The following ASTN1 variants were observed in gnomAD, a reference collection of about 807,000 sequenced individuals.
ASTN1 encodes the protein astrotactin-1.
A neutral mutation model predicts 140.7 loss-of-function variants in ASTN1; 41 were observed. That is an observed-to-expected ratio of 0.29 (90% CI 0.23 to 0.38). The LOEUF is 0.38. Among genes scored for constraint, ASTN1 ranks in the 10% least tolerant of loss-of-function variants. The pLI, the probability that ASTN1 is intolerant of heterozygous loss-of-function variation, is 1.00. For synonymous variants in ASTN1, 640 were observed against 652.2 expected, an observed-to-expected ratio of 0.98 and a Z score of 0.29; for missense variants, 1,479 against 1,678.8, an observed-to-expected ratio of 0.88 and a Z score of 2.08.
At chr1:177,116,617 G>A (rs227527) in intron 1 of ASTN1, among the ~76,000 whole-genome samples, 2,266 of 152,120 alleles carry the variant, frequency 0.015, 67 homozygotes, top group African/African-American at 0.051. Flanking sequence ...TTCACATCCA[G>A]CATGTGCAAT....
chr1:177,098,567 G>A (rs1680152537), intron 1 of ASTN1, among the ~76,000 whole-genome samples: 1 of 152,080 alleles, frequency 6.6e-6, no homozygotes, highest in Admixed American at 6.6e-5. Flanking sequence ...TGGATGTGTG[G>A]TGGTCAACAC....
intron 1 of ASTN1, among the ~76,000 whole-genome samples, chr1:177,119,909 A>G (rs1296979198): frequency 2.0e-5 from 3 of 152,186 alleles, no homozygotes; most frequent in African/African-American, 7.2e-5. Flanking sequence ...GTCCTGAAAT[A>G]GCAGAGGAAG....
intron 16 of ASTN1, among the ~76,000 whole-genome samples, chr1:176,933,285 A>G (rs1671285458): frequency 2.0e-5 from 3 of 152,254 alleles, no homozygotes; most frequent in Admixed American, 6.5e-5. Context: ...TGCTGACAAC[A>G]GAGGTCCCTT....
At chr1:177,117,704 T>C (rs1681166032) in intron 1 of ASTN1, among the ~76,000 whole-genome samples, 1 of 152,176 alleles carries the variant, frequency 6.6e-6, no homozygotes, top group South Asian at 2.1e-4. Context: ...CACACCATAC[T>C]ACTCCCTGGA....
chr1:177,108,347 C>CAAAAAAAA (rs71129596), intron 1 of ASTN1, among the ~76,000 whole-genome samples: 2 of 98,598 alleles, frequency 2.0e-5, no homozygotes, highest in African/African-American at 4.1e-5. Context: ...GACTCCGTCT[C>CAAAAAAAA]AAAAAAAAAA....
intron 1 of ASTN1, among the ~76,000 whole-genome samples, chr1:177,133,482 C>A (rs1215848497): frequency 6.6e-6 from 1 of 152,162 alleles, no homozygotes; most frequent in African/African-American, 2.4e-5. Flanking sequence ...GCCCCATAAT[C>A]CCAAACTCAT....
At chr1:177,003,345 G>A (rs1186874500) in intron 8 of ASTN1, among the ~76,000 whole-genome samples, 1 of 149,330 alleles carries the variant, frequency 6.7e-6, no homozygotes, top group Non-Finnish European at 1.5e-5. Flanking sequence ...ACATATGCAA[G>A]TCAATAAATG....
At chr1:176,868,615 A>C (rs1263805671) in intron 22 of ASTN1, among the ~76,000 whole-genome samples, 2 of 152,236 alleles carry the variant, frequency 1.3e-5, no homozygotes, top group African/African-American at 2.4e-5. Flanking sequence ...GGTCAAGAGC[A>C]AAATTTTTTT....
intron 1 of ASTN1, among the ~76,000 whole-genome samples, chr1:177,142,413 T>C (rs1380746735): frequency 1.3e-5 from 2 of 152,180 alleles, no homozygotes; most frequent in Non-Finnish European, 2.9e-5. Context: ...GTTCATGTGC[T>C]TGACATTCAG....
At chr1:177,153,109 G>C (rs529352686) in intron 1 of ASTN1, among the ~76,000 whole-genome samples, 3 of 152,232 alleles carry the variant, frequency 2.0e-5, no homozygotes, top group Non-Finnish European at 1.5e-5. Flanking sequence ...AGGCCTAATG[G>C]AAGGTGCCTG....
rs564838691 is a variant in ASTN1 at position 176,965,047 on chromosome 1, G to A, written c.1598+116C>T. The stretch of plus-strand genomic sequence containing the variant: ...CAAACACTTTTGTTAGCAGGTGGTC[G>A]TGACAACTCAAGGTGTTTCCTATTT... On this transcript the variant is annotated intron_variant, in intron 9 of 22. Transcript: ENST00000361833. 2.6e-5 allele frequency: 25 copies of A among 953,724 alleles called. No individual in the cohort carries two copies. In the Admixed American group the frequency reaches 4.0e-4, roughly 15 times the overall value. 59.1% of individuals were successfully genotyped at this position (953,724 alleles called of 1,614,324 possible). A position where few individuals can be genotyped will look rare whatever the true frequency, so the allele number is the denominator to read the frequency against.
At chr1:177,164,320 T>C (rs1571871791) in intron 1 of ASTN1, 74 bp downstream of exon 1, 4 of 1,380,476 alleles carry the variant, frequency 2.9e-6, no homozygotes, top group Non-Finnish European at 3.8e-6. Context: ...AGTGGGTGTG[T>C]AGAGCGAGCT....
chr1:177,149,013 A>C (rs1011718807), intron 1 of ASTN1, among the ~76,000 whole-genome samples: 7 of 142,356 alleles, frequency 4.9e-5, no homozygotes, highest in African/African-American at 1.8e-4. Context: ...TATCTAGAAG[A>C]GAGGAAGGAG....
chr1:176,880,768 A>G (rs1170754428), intron 20 of ASTN1, among the ~76,000 whole-genome samples: 2 of 152,184 alleles, frequency 1.3e-5, no homozygotes, highest in Admixed American at 1.3e-4. Flanking sequence ...AGTAACCTAG[A>G]GCAGCAGGGA....
intron 14 of ASTN1, among the ~76,000 whole-genome samples, chr1:176,940,171 G>C (rs1008663612): frequency 1.3e-5 from 2 of 151,974 alleles, no homozygotes; most frequent in African/African-American, 4.8e-5. Context: ...TATACAAATG[G>C]ACAATGGCCA....
intron 6 of ASTN1, 103 bp downstream of exon 6, chr1:177,024,480 A>T: frequency 1.4e-6 from 2 of 1,411,684 alleles, no homozygotes; most frequent in Admixed American, 2.1e-5. Flanking sequence ...TTCCCCCGGT[A>T]GAGTAATAGG....
chr1:176,883,120 A>G (rs1668880519), intron 19 of ASTN1, 126 bp from the exon 20 acceptor site: 1 of 1,332,652 alleles, frequency 7.5e-7, no homozygotes, highest in South Asian at 1.4e-5. Context: ...AGAGTAGAGA[A>G]GGAGACTTAG....
At chr1:176,894,320 C>T (rs1281264404) in intron 17 of ASTN1, among the ~76,000 whole-genome samples, 1 of 152,228 alleles carries the variant, frequency 6.6e-6, no homozygotes, top group Non-Finnish European at 1.5e-5. Context: ...TCCAGCCCTA[C>T]ACAGGTGCTC....
Position 177,005,193 on chromosome 1 carries a change from A to T in ASTN1, c.1523+9598T>A, listed in dbSNP as rs540911052. ...GCAAAGGACATGAATTGACATATTT[A>T]AAAAAAATACAAATGGCCAGAGAAA... is the stretch of plus-strand genomic sequence containing the variant. On this transcript the variant is annotated intron_variant, in intron 8 of 22. Transcript: ENST00000361833. 7.9e-5 allele frequency among the ~76,000 whole-genome samples: 12 copies of T among 152,112 alleles called. No individual in the cohort carries two copies. The South Asian group carries it at 1.9e-3, about 24-fold the overall frequency.
Sources: gnomAD v4.1 joint callset for allele counts (sites outside exome capture counted in the v4.1 genomes callset) on GRCh38, gnomAD v4.1.1 for gene constraint, MANE v1.5 for transcripts, NCBI Gene and HGNC (gene_info 2026-07-23, HGNC 2026-07-21) for gene names.